TMX4: variants seen among roughly 807,000 people sequenced by gnomAD.
TMX4 encodes the protein thioredoxin-related transmembrane protein 4.
TMX4 carries 23 observed loss-of-function variants against 33.3 expected under a neutral mutation model. The observed-to-expected ratio is 0.69, with a 90% CI of 0.50 to 0.98. TMX4 has a LOEUF of 0.98. Ranked by LOEUF, TMX4 falls within the 50% of genes least tolerant of loss-of-function variation. The pLI is 0.00. For missense variants in TMX4, 399 were observed against 448.9 expected (o/e 0.89, Z 1.01); for synonymous variants, 164 against 161.5 (o/e 1.02, Z -0.12).
At chr20:7,998,583 G>A (rs987412414) in intron 4 of TMX4, among the ~76,000 whole-genome samples, 1 of 152,060 alleles carries the variant, frequency 6.6e-6, no homozygotes, top group East Asian at 1.9e-4. Flanking sequence ...CACAGGCCCT[G>A]CATGACCTGG....
In TMX4 at chr20:7,980,154, T is replaced by G. The variant is rs1379984978; in HGVS notation, c.*2097A>C. ...CAACCTGTACTATTTGGGGTCCGGTTGGAAATTGGCTTTACATTTTTAAAA... is the reference window on the plus strand; with the variant it reads ...CAACCTGTACTATTTGGGGTCCGGTGGGAAATTGGCTTTACATTTTTAAAA... On this transcript the variant is annotated 3_prime_UTR_variant, in exon 8 of 8. Coordinates refer to ENST00000246024, the MANE Select transcript of TMX4 (RefSeq NM_021156.4). 6.6e-6 allele frequency: 1 copy of G among 152,170 alleles called. No individual in the cohort carries two copies. Among genetic ancestry groups the G allele is most frequent in the African/African-American group, 2.4e-5 (1 of 41,446 alleles). The allele number at this position is 152,170 out of a possible 1,614,324, so 9.4% of individuals were successfully genotyped here. A position where few individuals can be genotyped will look rare whatever the true frequency, so the allele number is the denominator to read the frequency against.
intron 5 of TMX4, 90 bp from the exon 6 acceptor site, chr20:7,987,479 A>G (rs1323134194): frequency 2.4e-6 from 2 of 845,644 alleles, no homozygotes; most frequent in African/African-American, 3.5e-5. Context: ...TTCTACATAC[A>G]TAGGTTCCCA....
At chr20:8,007,500 A>C (rs987445900) in intron 2 of TMX4, among the ~76,000 whole-genome samples, 1 of 152,164 alleles carries the variant, frequency 6.6e-6, no homozygotes, top group African/African-American at 2.4e-5. Context: ...AAATCATATC[A>C]TATCTCTCTC....
chr20:7,996,624 G>C (rs572078195), intron 4 of TMX4, among the ~76,000 whole-genome samples: 2 of 152,158 alleles, frequency 1.3e-5, no homozygotes, highest in African/African-American at 4.8e-5. Context: ...GTTATGACAG[G>C]AAAAGTCTAA....
intron 2 of TMX4, among the ~76,000 whole-genome samples, chr20:8,007,043 A>G (rs1250535735): frequency 1.3e-5 from 2 of 152,214 alleles, no homozygotes; most frequent in African/African-American, 4.8e-5. Context: ...CTGGGATTAC[A>G]GGCGTGAGCC....
At chr20:8,019,006 T>TG in intron 1 of TMX4, 1 of 451,796 alleles carries the variant, frequency 2.2e-6, no homozygotes, top group Non-Finnish European at 4.4e-6. Context: ...TGGATGTCAC[T>TG]GAATGTCCTT....
chr20:8,011,604 C>T (rs138317111), intron 1 of TMX4, among the ~76,000 whole-genome samples: 14 of 151,902 alleles, frequency 9.2e-5, no homozygotes, highest in African/African-American at 2.7e-4. Context: ...GGTTAAAAAG[C>T]GAAGACTAGG....
intron 1 of TMX4, among the ~76,000 whole-genome samples, chr20:8,011,819 T>C (rs4142415): frequency 0.57 from 86,374 of 151,900 alleles, 27,692 homozygotes; most frequent in East Asian, 0.94. Context: ...CATTAATCTT[T>C]CCATTACAGC....
intron 2 of TMX4, among the ~76,000 whole-genome samples, chr20:8,007,461 T>C (rs1461418840): frequency 1.3e-5 from 2 of 152,208 alleles, no homozygotes; most frequent in Admixed American, 6.5e-5. Flanking sequence ...TTTTTTCACA[T>C]AGCTGCCAAA....
chr20:8,018,232 T>C (rs1600150301), intron 1 of TMX4, among the ~76,000 whole-genome samples: 1 of 98,724 alleles, frequency 1.0e-5, no homozygotes, highest in South Asian at 4.1e-4. Flanking sequence ...TAAAGAGATG[T>C]GGCAATTTCC....
chr20:8,008,222 C>T (rs865832483), intron 2 of TMX4, among the ~76,000 whole-genome samples: 1 of 152,028 alleles, frequency 6.6e-6, no homozygotes, highest in Non-Finnish European at 1.5e-5. Context: ...TTATGAGTTG[C>T]ACTTTTAAAA....
chr20:8,001,681 T>G, intron 2 of TMX4, 140 bp from the exon 3 acceptor site: 4 of 812,720 alleles, frequency 4.9e-6, no homozygotes, highest in Non-Finnish European at 7.7e-6. Context: ...TTACAGAAAT[T>G]TCATTTCTAC....
intron 1 of TMX4, among the ~76,000 whole-genome samples, chr20:8,015,757 G>C (rs767687251): frequency 2.2e-4 from 34 of 152,170 alleles, no homozygotes; most frequent in Non-Finnish European, 5.9e-5. Flanking sequence ...AGGCTGGAAA[G>C]ATAATACTAA....
At chr20:7,996,094 A>G in intron 4 of TMX4, 23 bp from the exon 5 acceptor site, 1 of 1,601,540 alleles carries the variant, frequency 6.2e-7, no homozygotes, top group Non-Finnish European at 8.5e-7. Flanking sequence ...TAAAGAGAAG[A>G]AACAGTGATC....
At chr20:8,007,064 G>T (rs1301729578) in intron 2 of TMX4, among the ~76,000 whole-genome samples, 1 of 152,180 alleles carries the variant, frequency 6.6e-6, no homozygotes, top group African/African-American at 2.4e-5. Context: ...ACTGCACCTG[G>T]CTGCAACTTC....
At chr20:7,988,977 G>A (rs1010922748) in intron 5 of TMX4, among the ~76,000 whole-genome samples, 10 of 150,654 alleles carry the variant, frequency 6.6e-5, no homozygotes, top group African/African-American at 2.0e-4. Flanking sequence ...CTGAGATTGC[G>A]CCACTGCACT....
At chr20:8,009,085 G>A (rs2050741913) in intron 2 of TMX4, among the ~76,000 whole-genome samples, 1 of 152,024 alleles carries the variant, frequency 6.6e-6, no homozygotes, top group South Asian at 2.1e-4. Flanking sequence ...AGGATGAAAG[G>A]ATGCAGTAGG....
At position 8,009,399 on chromosome 20, in the gene TMX4, T is replaced by A. The variant is rs569726051; in HGVS notation, c.292+801A>T. 2.0e-5 allele frequency among the ~76,000 whole-genome samples: 3 copies of A among 152,196 alleles called. No homozygotes were observed. In the South Asian group the frequency reaches 6.2e-4, roughly 32 times the overall value. On this transcript the variant is annotated intron_variant, in intron 2 of 7. Transcript: ENST00000246024. ...TCTGGAACCACAGTGAAATATAATA[T>A]CTGATTCAGGCAAGAGCATCATGGA...
intron 5 of TMX4, among the ~76,000 whole-genome samples, chr20:7,988,740 C>T (rs1238665934): frequency 6.6e-6 from 1 of 152,152 alleles, no homozygotes; most frequent in Non-Finnish European, 1.5e-5. Context: ...TTAAGAGTAA[C>T]TTGGCTGGAC....
Sources: allele counts gnomAD v4.1 joint callset (sites outside exome capture counted in the v4.1 genomes callset), GRCh38; gene constraint gnomAD v4.1.1; transcripts MANE v1.5; gene names NCBI Gene and HGNC (gene_info 2026-07-23, HGNC 2026-07-21).